STXBP5L: variants seen among roughly 807,000 people sequenced by gnomAD.
STXBP5L encodes the protein syntaxin-binding protein 5-like.
In STXBP5L, 65 loss-of-function variants were observed where a neutral mutation model predicts 144.5. The ratio of observed to expected loss-of-function variants is 0.45; its 90% CI spans 0.37 to 0.55. The LOEUF (loss-of-function observed/expected upper bound fraction) is 0.55. Ranked by LOEUF, STXBP5L falls within the 20% of genes least tolerant of loss-of-function variation. The probability of loss-of-function intolerance (pLI) is 0.00; values close to 1 mark genes in which losing one functional copy is unlikely to be tolerated. For synonymous variants in STXBP5L, 505 were observed against 469.6 expected (o/e 1.08, Z -0.97); for missense variants, 1,298 against 1,405.5 (o/e 0.92, Z 1.22).
intron 7 of STXBP5L, among the ~76,000 whole-genome samples, chr3:121,135,780 G>A (rs1242034704): frequency 6.6e-6 from 1 of 152,128 alleles, no homozygotes; most frequent in African/African-American, 2.4e-5. Flanking sequence ...CTGTGGCCAG[G>A]GTTTGGGGAA....
At chr3:121,028,359 T>C (rs528201552) in intron 3 of STXBP5L, among the ~76,000 whole-genome samples, 2 of 152,224 alleles carry the variant, frequency 1.3e-5, no homozygotes, top group South Asian at 4.1e-4. Context: ...GAAAAATTAA[T>C]TGGTACTCTA....
chr3:121,341,555 ATATC>A lies in STXBP5L; in HGVS notation c.2176+23017_2176+23020del, dbSNP rs374603139. ...GAAAGGAAATTTGTATATGGAAGAG[ATATC>A]TGCACTCCCATATATTGCAGCACTA... On this transcript the variant is annotated intron_variant, in intron 20 of 26. Transcript: ENST00000471454. Among the ~76,000 whole-genome samples the A allele has an allele frequency of 4.2e-3, 636 of 152,042 alleles. 2 individuals carry two copies. Among genetic ancestry groups the A allele is most frequent in the African/African-American group, 0.014 (598 of 41,552 alleles).
At chr3:121,098,988 C>T (rs1419127640) in intron 5 of STXBP5L, 1 of 152,118 alleles carries the variant, frequency 6.6e-6, no homozygotes, top group Non-Finnish European at 1.5e-5. Context: ...CCAAATAACC[C>T]TGTATATATA....
intron 5 of STXBP5L, among the ~76,000 whole-genome samples, chr3:121,110,885 T>C (rs999834400): frequency 1.3e-5 from 2 of 152,208 alleles, no homozygotes; most frequent in South Asian, 4.1e-4. Context: ...AAGTTTGGTC[T>C]TTTTACATAA....
At chr3:121,145,963 T>A (rs2045699237) in intron 7 of STXBP5L, among the ~76,000 whole-genome samples, 1 of 152,046 alleles carries the variant, frequency 6.6e-6, no homozygotes, top group Non-Finnish European at 1.5e-5. Context: ...AAAGGTGAAT[T>A]TGCTCTCTCT....
At chr3:120,981,395 T>A (rs1309834788) in intron 3 of STXBP5L, among the ~76,000 whole-genome samples, 4 of 152,172 alleles carry the variant, frequency 2.6e-5, no homozygotes, top group African/African-American at 4.8e-5. Context: ...TTTTTATTCT[T>A]TAATTTTTTT....
chr3:121,286,116 T>C (rs1414944761), intron 19 of STXBP5L, among the ~76,000 whole-genome samples: 1 of 152,150 alleles, frequency 6.6e-6, no homozygotes, highest in Non-Finnish European at 1.5e-5. Flanking sequence ...ATTGTCTACA[T>C]TGCTTGTGCA....
intron 19 of STXBP5L, among the ~76,000 whole-genome samples, chr3:121,315,589 T>A (rs1022393714): frequency 2.0e-5 from 3 of 151,912 alleles, no homozygotes; most frequent in African/African-American, 7.3e-5. Flanking sequence ...CATATGTAAC[T>A]AACCTTCACA....
intron 22 of STXBP5L, among the ~76,000 whole-genome samples, chr3:121,400,558 G>A (rs888285791): frequency 7.2e-5 from 11 of 152,174 alleles, no homozygotes; most frequent in Non-Finnish European, 1.3e-4. Context: ...TCTTATTGCT[G>A]TAAAGAGGAG....
chr3:120,987,968 T>C (rs888419611), intron 3 of STXBP5L, among the ~76,000 whole-genome samples: 1 of 151,874 alleles, frequency 6.6e-6, no homozygotes, highest in African/African-American at 2.4e-5. Flanking sequence ...CCAAATTTAA[T>C]TTACTTAGTA....
intron 10 of STXBP5L, among the ~76,000 whole-genome samples, chr3:121,208,254 G>A (rs1044100606): frequency 4.7e-5 from 7 of 147,536 alleles, no homozygotes; most frequent in African/African-American, 1.7e-4. Flanking sequence ...AACACCACAT[G>A]TTCTCACTCA....
intron 5 of STXBP5L, among the ~76,000 whole-genome samples, chr3:121,092,447 T>G (rs1014167762): frequency 7.9e-5 from 12 of 152,184 alleles, no homozygotes; most frequent in African/African-American, 2.9e-4. Flanking sequence ...TTAAGTTCAT[T>G]GAGCAGTGGT....
At chr3:120,913,903 C>T (rs1708978431) in intron 2 of STXBP5L, among the ~76,000 whole-genome samples, 1 of 151,962 alleles carries the variant, frequency 6.6e-6, no homozygotes, top group Non-Finnish European at 1.5e-5. Context: ...GGAAGCTATA[C>T]AGATTGTTGT....
intron 8 of STXBP5L, among the ~76,000 whole-genome samples, chr3:121,154,056 T>C (rs142389607): frequency 6.6e-4 from 101 of 151,952 alleles, no homozygotes; most frequent in African/African-American, 2.4e-3. Context: ...CTAGCTTTCC[T>C]ATGGCCTTAA....
chr3:121,029,576 C>T lies in STXBP5L; in HGVS notation c.288-12124C>T, dbSNP rs59885302. On this transcript the variant is annotated intron_variant, in intron 3 of 26. Transcript: ENST00000471454. ...AACGTAAGACCTAAAACCATGAAAA[C>T]CCTAGAGGAAAACCTAGGCAATACC... Among the ~76,000 whole-genome samples, 1,245 of 152,154 alleles carry T rather than the reference C, an allele frequency of 8.2e-3. 10 individuals carry two copies. The highest frequency in any genetic ancestry group is 0.029 in the African/African-American group (1,200 of 41,506).
intron 9 of STXBP5L, chr3:121,158,177 A>C (rs966506813): frequency 2.0e-5 from 3 of 152,400 alleles, no homozygotes; most frequent in Non-Finnish European, 4.4e-5. Context: ...TTGAGGATTT[A>C]TATTGGATCT....
chr3:121,037,666 A>C (rs1329589724), intron 3 of STXBP5L, among the ~76,000 whole-genome samples: 1 of 152,084 alleles, frequency 6.6e-6, no homozygotes, highest in Non-Finnish European at 1.5e-5. Flanking sequence ...GAGTAAAAGT[A>C]TTTTTATAGA....
intron 7 of STXBP5L, among the ~76,000 whole-genome samples, chr3:121,135,268 T>A (rs763809122): frequency 2.0e-5 from 3 of 152,332 alleles, no homozygotes; most frequent in Non-Finnish European, 1.5e-5. Context: ...TTTTCTTTTC[T>A]TGTAAATTTG....
rs79680113 is a variant in STXBP5L at position 121,406,994 on chromosome 3, G to C, written c.2588-249G>C. ...TGGCCCAACTTTCATAATCTTTCTG[G>C]GTCTGTTTTTTCTTCTTTTTTAATA... On this transcript the variant is annotated intron_variant, in intron 22 of 26. Coordinates refer to ENST00000471454, the MANE Select transcript of STXBP5L (RefSeq NM_001308330.2). 1.4e-3 allele frequency among the ~76,000 whole-genome samples: 217 copies of C among 151,822 alleles called. 4 individuals carry two copies. The East Asian group carries it at 0.035, about 25-fold the overall frequency.
Sources: gnomAD v4.1 joint callset for allele counts (sites outside exome capture counted in the v4.1 genomes callset) on GRCh38, gnomAD v4.1.1 for gene constraint, MANE v1.5 for transcripts, NCBI Gene and HGNC (gene_info 2026-07-23, HGNC 2026-07-21) for gene names.